Variants in TBC1D22A observed in about 807,000 individuals in gnomAD.
TBC1D22A encodes the protein putative GTPase activator.
A neutral mutation model predicts 60.2 loss-of-function variants in TBC1D22A; 38 were observed. That is an observed-to-expected ratio of 0.63 (90% CI 0.49 to 0.83). TBC1D22A has a LOEUF of 0.83. Among genes scored for constraint, TBC1D22A ranks in the 40% least tolerant of loss-of-function variants. The pLI is 0.00. For synonymous variants in TBC1D22A, 302 were observed against 281.7 expected, an observed-to-expected ratio of 1.07 and a Z score of -0.72; for missense variants, 628 against 701.0, an observed-to-expected ratio of 0.90 and a Z score of 1.18.
intron 12 of TBC1D22A, among the ~76,000 whole-genome samples, chr22:47,164,885 A>T (rs1386968485): frequency 1.3e-5 from 2 of 152,212 alleles, no homozygotes; most frequent in Admixed American, 6.5e-5. Flanking sequence ...CAGGAGGAAT[A>T]CAAATGCTCC....
At position 46,891,414 on chromosome 22, in the gene TBC1D22A, T is replaced by C; in HGVS notation, c.837+20T>C. The stretch of plus-strand genomic sequence containing the variant: ...AGGCAGGTGGGAATCCTTTCTTTTT[T>C]TCGTATGTTGCCTGATGTACTTTGC... On this transcript the variant is annotated intron_variant, in intron 6 of 12. Transcript: ENST00000337137. 1.3e-6 allele frequency: 2 copies of C among 1,589,618 alleles called. No homozygotes were observed. Among genetic ancestry groups the C allele is most frequent in the South Asian group, 1.2e-5 (1 of 86,298 alleles).
At chr22:47,002,139 A>G (rs1229272178) in intron 10 of TBC1D22A, among the ~76,000 whole-genome samples, 1 of 152,182 alleles carries the variant, frequency 6.6e-6, no homozygotes, top group Non-Finnish European at 1.5e-5. Flanking sequence ...ATGTACCTTT[A>G]CTCTCCAACT....
At chr22:47,061,277 G>A (rs1467792282) in intron 11 of TBC1D22A, among the ~76,000 whole-genome samples, 1 of 152,158 alleles carries the variant, frequency 6.6e-6, no homozygotes. Context: ...TCTCTGTAAA[G>A]GTGCTCAGAT....
chr22:47,087,654 A>G (rs181911812), intron 11 of TBC1D22A, among the ~76,000 whole-genome samples: 3 of 152,386 alleles, frequency 2.0e-5, no homozygotes, highest in Admixed American at 6.5e-5. Context: ...ACATATATCT[A>G]TTAAGACAAA....
intron 11 of TBC1D22A, among the ~76,000 whole-genome samples, chr22:47,048,980 C>T (rs577931381): frequency 1.3e-5 from 2 of 152,308 alleles, no homozygotes; most frequent in African/African-American, 4.8e-5. Flanking sequence ...AAAAAGGAAA[C>T]GTTAACCTGA....
At chr22:47,004,086 C>T (rs955923440) in intron 10 of TBC1D22A, among the ~76,000 whole-genome samples, 5 of 150,940 alleles carry the variant, frequency 3.3e-5, no homozygotes, top group Non-Finnish European at 5.9e-5. Context: ...TGTATACACA[C>T]ACACCCTCAT....
chr22:47,090,855 G>C lies in TBC1D22A; in HGVS notation c.1330-20653G>C, dbSNP rs560174353. ...GACGGGCACGAGAAGTCGTCTTTGG[G>C]GGGAGTGGCCTCGCAGAGGGGTTGT... On this transcript the variant is annotated intron_variant, in intron 11 of 12. Coordinates refer to ENST00000337137, the MANE Select transcript of TBC1D22A (RefSeq NM_014346.5). Among the ~76,000 whole-genome samples the C allele has an allele frequency of 1.2e-3, 154 of 127,752 alleles. 1 individual carries two copies. The highest frequency in any genetic ancestry group is 2.1e-3 in the Non-Finnish European group (127 of 59,564). 83.8% of individuals were successfully genotyped at this position (127,752 alleles called of 152,430 possible). A position where few individuals can be genotyped will look rare whatever the true frequency, so the allele number is the denominator to read the frequency against.
chr22:46,781,562 G>A (rs1239978835), intron 1 of TBC1D22A, among the ~76,000 whole-genome samples: 1 of 152,144 alleles, frequency 6.6e-6, no homozygotes, highest in Non-Finnish European at 1.5e-5. Flanking sequence ...CATTGCAGTT[G>A]CATCTCCCTG....
intron 12 of TBC1D22A, among the ~76,000 whole-genome samples, chr22:47,162,801 T>C (rs1052182937): frequency 2.0e-5 from 2 of 99,706 alleles, no homozygotes; most frequent in African/African-American, 5.1e-5. Context: ...GTCGGGGGAG[T>C]GGGACTGTGG....
At chr22:46,931,549 T>C (rs1420328899) in intron 8 of TBC1D22A, among the ~76,000 whole-genome samples, 1 of 152,192 alleles carries the variant, frequency 6.6e-6, no homozygotes, top group African/African-American at 2.4e-5. Context: ...CTTTGAAAAC[T>C]CTTAAGACTA....
chr22:46,795,028 A>G (rs1280482504), intron 3 of TBC1D22A, among the ~76,000 whole-genome samples: 1 of 152,226 alleles, frequency 6.6e-6, no homozygotes, highest in Non-Finnish European at 1.5e-5. Flanking sequence ...TTAACTTCTA[A>G]AATGTTACAG....
At chr22:47,155,656 G>A (rs1244835007) in intron 12 of TBC1D22A, among the ~76,000 whole-genome samples, 3 of 151,426 alleles carry the variant, frequency 2.0e-5, no homozygotes, top group Admixed American at 2.0e-4. Flanking sequence ...GCCTGCAAAG[G>A]GGCAAAGGAA....
intron 9 of TBC1D22A, among the ~76,000 whole-genome samples, chr22:46,989,786 C>CACACAA (rs1032013386): frequency 3.3e-5 from 5 of 151,244 alleles, no homozygotes; most frequent in East Asian, 3.9e-4. Context: ...CACACACACA[C>CACACAA]AATAAATAAA....
In TBC1D22A at chr22:46,895,944, A is replaced by G. The variant is rs775516877; in HGVS notation, c.900+1098A>G. Among the ~76,000 whole-genome samples, 38 of 152,142 alleles carry G rather than the reference A, an allele frequency of 2.5e-4. 1 individual carries two copies. Among genetic ancestry groups the G allele is most frequent in the Non-Finnish European group, 1.6e-4 (11 of 68,024 alleles). On this transcript the variant is annotated intron_variant, in intron 7 of 12. Coordinates refer to ENST00000337137, the MANE Select transcript of TBC1D22A (RefSeq NM_014346.5). Reference sequence around the variant, plus strand: ...CTGTTGTACCTTCAAGATAATGTCCACAAGCTTCCCAGACGGCCGCTACCA... The same window carrying G: ...CTGTTGTACCTTCAAGATAATGTCCGCAAGCTTCCCAGACGGCCGCTACCA...
At chr22:46,921,837 G>A (rs6008002) in intron 8 of TBC1D22A, among the ~76,000 whole-genome samples, 4,325 of 152,128 alleles carry the variant, frequency 0.028, 190 homozygotes, top group African/African-American at 0.099. Flanking sequence ...TTCTCCTGTA[G>A]GTTGTATGTT....
At chr22:47,147,095 C>G (rs560601488) in intron 12 of TBC1D22A, among the ~76,000 whole-genome samples, 2 of 152,312 alleles carry the variant, frequency 1.3e-5, no homozygotes, top group African/African-American at 2.4e-5. Flanking sequence ...CAGCCTGAGT[C>G]CAGAAGGGCG....
In TBC1D22A at chr22:47,067,376, A is replaced by G. The variant is rs543065309; in HGVS notation, c.1329+30178A>G. ...TCTTTCAGGCATTGTTTATAGTTTA[A>G]TAAATCCTGCCACCTCTATTCATCC... On this transcript the variant is annotated intron_variant, in intron 11 of 12. Coordinates refer to ENST00000337137, the MANE Select transcript of TBC1D22A (RefSeq NM_014346.5). 2.0e-5 allele frequency among the ~76,000 whole-genome samples: 3 copies of G among 152,362 alleles called. No individual in the cohort carries two copies. The East Asian group carries it at 5.8e-4, about 29-fold the overall frequency.
chr22:47,129,166 G>A lies in TBC1D22A; in HGVS notation c.1425+17563G>A, dbSNP rs114404519. On this transcript the variant is annotated intron_variant, in intron 12 of 12. Transcript: ENST00000337137. The stretch of plus-strand genomic sequence containing the variant: ...ACACATGTTCCACTAATGATTCAGT[G>A]TGAATAGTAATAAAAGTTAAGAGGC... 1.8e-3 allele frequency among the ~76,000 whole-genome samples: 269 copies of A among 152,314 alleles called. 1 individual carries two copies. Among genetic ancestry groups the A allele is most frequent in the African/African-American group, 6.2e-3 (257 of 41,566 alleles).
intron 11 of TBC1D22A, among the ~76,000 whole-genome samples, chr22:47,074,693 G>C (rs888960153): frequency 3.3e-5 from 5 of 152,220 alleles, no homozygotes; most frequent in African/African-American, 1.2e-4. Context: ...TCTGAATTCT[G>C]TTCTGTCGGT....
Sources: gnomAD v4.1 joint callset for allele counts (sites outside exome capture counted in the v4.1 genomes callset) on GRCh38, gnomAD v4.1.1 for gene constraint, MANE v1.5 for transcripts, NCBI Gene and HGNC (gene_info 2026-07-23, HGNC 2026-07-21) for gene names.